Variants in ERC1 observed in about 807,000 individuals in gnomAD.
The protein encoded by ERC1 is RAB6 interacting protein 2.
ERC1 carries 56 observed loss-of-function variants against 132.0 expected under a neutral mutation model. The ratio of observed to expected loss-of-function variants is 0.42; its 90% CI spans 0.34 to 0.53. The LOEUF is 0.53. Ranked by LOEUF, ERC1 falls within the 20% of genes least tolerant of loss-of-function variation. The pLI, the probability that ERC1 is intolerant of heterozygous loss-of-function variation, is 0.03. For synonymous variants in ERC1, 478 were observed against 476.1 expected (o/e 1.00, Z -0.05); for missense variants, 1,202 against 1,349.9 (o/e 0.89, Z 1.72).
At chr12:1,172,191 T>G (rs777931877) in intron 8 of ERC1, among the ~76,000 whole-genome samples, 6 of 152,186 alleles carry the variant, frequency 3.9e-5, no homozygotes, top group Non-Finnish European at 7.3e-5. Context: ...TTCCTTGGGC[T>G]GGGTACAGTG....
intron 16 of ERC1, among the ~76,000 whole-genome samples, chr12:1,377,084 G>A (rs897249407): frequency 3.9e-5 from 6 of 152,146 alleles, no homozygotes; most frequent in Non-Finnish European, 8.8e-5. Flanking sequence ...TCCAAAGACC[G>A]CTTTATTTCC....
chr12:1,195,681 G>A (rs541922894), intron 12 of ERC1, among the ~76,000 whole-genome samples: 2 of 152,246 alleles, frequency 1.3e-5, no homozygotes, highest in South Asian at 2.1e-4. Context: ...TGAAGCCAGC[G>A]TCCAGAGAGT....
At chr12:1,398,774 G>A (rs1454655981) in intron 16 of ERC1, among the ~76,000 whole-genome samples, 1 of 152,066 alleles carries the variant, frequency 6.6e-6, no homozygotes, top group African/African-American at 2.4e-5. Context: ...GGTAAGGGCC[G>A]CTTTTGACTT....
intron 2 of ERC1, among the ~76,000 whole-genome samples, chr12:1,039,119 G>A (rs1489377918): frequency 1.3e-5 from 2 of 151,878 alleles, no homozygotes; most frequent in East Asian, 1.9e-4. Flanking sequence ...GGCGGATCAC[G>A]AGGTCAGGAG....
At chr12:1,259,759 G>A (rs556762525) in intron 13 of ERC1, among the ~76,000 whole-genome samples, 7 of 152,050 alleles carry the variant, frequency 4.6e-5, no homozygotes, top group South Asian at 2.1e-4. Context: ...TCCTGACCTC[G>A]TGATCCACCC....
At chr12:1,154,215 A>ATG (rs1951107565) in intron 8 of ERC1, among the ~76,000 whole-genome samples, 5 of 61,622 alleles carry the variant, frequency 8.1e-5, no homozygotes, top group African/African-American at 5.0e-4. Context: ...GTGTGTGTGT[A>ATG]TGTATATGTA....
chr12:1,381,940 AAG>A (rs141872813), intron 16 of ERC1, among the ~76,000 whole-genome samples: 17,275 of 152,216 alleles, frequency 0.11, 2,410 homozygotes, highest in African/African-American at 0.33. Flanking sequence ...GAGAAAGAGA[AAG>A]AAACTTTTCA....
At chr12:1,381,832 G>C (rs79950001) in intron 16 of ERC1, among the ~76,000 whole-genome samples, 1 of 152,008 alleles carries the variant, frequency 6.6e-6, no homozygotes, top group Admixed American at 6.6e-5. Flanking sequence ...TTTCCTTATC[G>C]TTAGCAAAGC....
intron 12 of ERC1, among the ~76,000 whole-genome samples, chr12:1,227,621 T>C (rs556809822): frequency 6.6e-6 from 1 of 152,354 alleles, no homozygotes; most frequent in Non-Finnish European, 1.5e-5. Flanking sequence ...CTCTGTTGAT[T>C]GCTTGCATTG....
intron 15 of ERC1, among the ~76,000 whole-genome samples, chr12:1,313,553 C>G (rs909084522): frequency 1.3e-5 from 2 of 151,904 alleles, no homozygotes; most frequent in Non-Finnish European, 2.9e-5. Flanking sequence ...ACTAACCAAC[C>G]ACCAAAAAGA....
At chr12:1,434,734 A>T (rs1459404257) in intron 17 of ERC1, among the ~76,000 whole-genome samples, 1 of 152,216 alleles carries the variant, frequency 6.6e-6, no homozygotes, top group Non-Finnish European at 1.5e-5. Context: ...GTCTGACTGG[A>T]GATCCTTAGG....
At chr12:1,157,324 T>A (rs1196259970) in intron 8 of ERC1, among the ~76,000 whole-genome samples, 1 of 152,222 alleles carries the variant, frequency 6.6e-6, no homozygotes, top group East Asian at 1.9e-4. Context: ...AGGCTGGCCT[T>A]GAACTGCCGG....
chr12:1,125,469 A>T (rs1948057614), intron 7 of ERC1, among the ~76,000 whole-genome samples: 1 of 152,158 alleles, frequency 6.6e-6, no homozygotes, highest in African/African-American at 2.4e-5. Context: ...TCCTGCAGGG[A>T]TATCAGTTTT....
At chr12:1,471,940 A>G (rs943742997) in intron 18 of ERC1, among the ~76,000 whole-genome samples, 3 of 152,224 alleles carry the variant, frequency 2.0e-5, no homozygotes, top group African/African-American at 7.2e-5. Flanking sequence ...AGATAGATCT[A>G]TCAGTCTAAC....
chr12:1,299,071 A>G (rs1047149326), intron 15 of ERC1, among the ~76,000 whole-genome samples: 1 of 152,230 alleles, frequency 6.6e-6, no homozygotes, highest in African/African-American at 2.4e-5. Flanking sequence ...TGTGGTCACC[A>G]GTCATTACTG....
At chr12:1,449,831 A>C (rs1020861496) in intron 18 of ERC1, among the ~76,000 whole-genome samples, 1 of 150,944 alleles carries the variant, frequency 6.6e-6, no homozygotes, top group African/African-American at 2.4e-5. Context: ...TGTTTCATCT[A>C]TTTTTTTCCT....
chr12:1,482,879 G>A (rs903779316), intron 18 of ERC1, among the ~76,000 whole-genome samples: 1 of 152,006 alleles, frequency 6.6e-6, no homozygotes, highest in Non-Finnish European at 1.5e-5. Context: ...GAACATTTTT[G>A]TCACCCCAAA....
At chr12:1,139,186 C>CT (rs1046712308) in intron 7 of ERC1, among the ~76,000 whole-genome samples, 4 of 152,012 alleles carry the variant, frequency 2.6e-5, no homozygotes, top group South Asian at 2.1e-4. Flanking sequence ...TTAAGTTAAG[C>CT]TTTTTTTTAG....
intron 1 of ERC1, among the ~76,000 whole-genome samples, chr12:1,006,465 T>C (rs191476671): frequency 2.6e-4 from 39 of 152,222 alleles, no homozygotes; most frequent in African/African-American, 9.1e-4. Flanking sequence ...CTCACTGTAG[T>C]CTTGACCTTC....
Sources: gnomAD v4.1 joint callset for allele counts (sites outside exome capture counted in the v4.1 genomes callset) on GRCh38, gnomAD v4.1.1 for gene constraint, MANE v1.5 for transcripts, NCBI Gene and HGNC (gene_info 2026-07-23, HGNC 2026-07-21) for gene names.